The following GIMAP4 variants were observed in gnomAD, a reference collection of about 807,000 sequenced individuals.
The protein encoded by GIMAP4 is GTPase, IMAP family member 4.
In GIMAP4, 12 loss-of-function variants were observed where a neutral mutation model predicts 10.8. The observed-to-expected ratio is 1.11, with a 90% CI of 0.71 to 1.81. The LOEUF is 1.81. Among genes scored for constraint, GIMAP4 ranks in the 40% most tolerant of loss-of-function variants. GIMAP4 has a pLI of 0.00. For synonymous variants in GIMAP4, 149 were observed against 147.2 expected, an observed-to-expected ratio of 1.01 and a Z score of -0.09; for missense variants, 412 against 404.6, an observed-to-expected ratio of 1.02 and a Z score of -0.16.
intron 2 of GIMAP4, 58 bp downstream of exon 2, chr7:150,570,017 T>TGGGGGGGGGGGG: frequency 7.8e-6 from 2 of 256,596 alleles, no homozygotes; most frequent in East Asian, 7.4e-5. Context: ...CAGGTGGGGG[T>TGGGGGGGGGGGG]GGGGGATTTG....
intron 1 of GIMAP4, among the ~76,000 whole-genome samples, chr7:150,568,386 A>G (rs894430427): frequency 7.9e-5 from 12 of 152,198 alleles, no homozygotes; most frequent in African/African-American, 2.9e-4. Context: ...ACAGTGTTTC[A>G]TATTTGTTGG....
In GIMAP4 at chr7:150,572,528, TCA is replaced by T; in HGVS notation, c.460_461del (p.Thr154ProfsTer4). On this transcript the variant is annotated frameshift_variant, in exon 3 of 3. Transcript: ENST00000255945. LOFTEE classifies it high-confidence loss of function. ...GCTAGAAGTTTCATGATTCTCATAT[TCA>T]CCCGGAAAGATGACTTAGGTGACAC... 6.2e-7 allele frequency: 1 copy of T among 1,614,166 alleles called. No homozygotes were observed. The highest frequency in any genetic ancestry group is 1.1e-5 in the South Asian group (1 of 91,074).
chr7:150,570,720 T>G (rs972285853), intron 2 of GIMAP4, among the ~76,000 whole-genome samples: 1 of 152,044 alleles, frequency 6.6e-6, no homozygotes, highest in Non-Finnish European at 1.5e-5. Context: ...TAGCAAGCTC[T>G]CAGACAGCAA....
chr7:150,567,527 A>G (rs1454571251), intron 1 of GIMAP4, 90 bp downstream of exon 1: 2 of 152,058 alleles, frequency 1.3e-5, no homozygotes, highest in Admixed American at 1.3e-4. Flanking sequence ...TCTGGTAAAC[A>G]TGTTTTCAGA....
chr7:150,568,774 A>G (rs924258473), intron 1 of GIMAP4, among the ~76,000 whole-genome samples: 1 of 152,228 alleles, frequency 6.6e-6, no homozygotes, highest in African/African-American at 2.4e-5. Context: ...TTGTAGTATA[A>G]GAGGAGACAG....
Position 150,573,088 on chromosome 7 carries a change from T to A in GIMAP4, c.*28T>A. The stretch of plus-strand genomic sequence containing the variant: ...TTAATGAAAATCTGTTTGTATTTTC[T>A]GCATATTCTCTGGCAACCTTGCCCC... On this transcript the variant is annotated 3_prime_UTR_variant, in exon 3 of 3. Coordinates refer to ENST00000255945, the MANE Select transcript of GIMAP4 (RefSeq NM_018326.3). 6.9e-7 allele frequency: 1 copy of A among 1,451,034 alleles called. No homozygotes were observed. The highest frequency in any genetic ancestry group is 9.5e-7 in the Non-Finnish European group (1 of 1,047,716). 89.9% of individuals were successfully genotyped at this position (1,451,034 alleles called of 1,614,324 possible). A position where few individuals can be genotyped will look rare whatever the true frequency, so the allele number is the denominator to read the frequency against.
At chr7:150,567,874 G>A (rs1287323075) in intron 1 of GIMAP4, among the ~76,000 whole-genome samples, 5 of 152,146 alleles carry the variant, frequency 3.3e-5, no homozygotes, top group Non-Finnish European at 5.9e-5. Flanking sequence ...CTTGTTACAG[G>A]GTTAACTGTC....
At chr7:150,571,566 A>T (rs1795728789) in intron 2 of GIMAP4, among the ~76,000 whole-genome samples, 1 of 152,160 alleles carries the variant, frequency 6.6e-6, no homozygotes, top group South Asian at 2.1e-4. Flanking sequence ...GGATCATCTG[A>T]GGTCAGCAGT....
chr7:150,572,128 G>C lies in GIMAP4; in HGVS notation c.59-1G>C. 6.3e-7 allele frequency: 1 copy of C among 1,597,538 alleles called. No homozygotes were observed. Among genetic ancestry groups the C allele is most frequent in the Non-Finnish European group, 8.6e-7 (1 of 1,167,506 alleles). On this transcript the variant is annotated splice_acceptor_variant, in intron 2 of 2. Coordinates refer to ENST00000255945, the MANE Select transcript of GIMAP4 (RefSeq NM_018326.3). LOFTEE classifies it high-confidence loss of function. ...GCTTTTTTTTTTTCTTGATGTCCCAGGGCCTGGAAGGCAAGAGCCCAGAAA... is the reference window on the plus strand; with the variant it reads ...GCTTTTTTTTTTTCTTGATGTCCCACGGCCTGGAAGGCAAGAGCCCAGAAA...
In GIMAP4 at chr7:150,572,430, G is replaced by A. The variant is rs1164125669; in HGVS notation, c.360G>A (p.Val120=). Residue 120 remains valine (V), a synonymous_variant, in exon 3 of 3, where the codon GTG becomes GTA. Coordinates refer to ENST00000255945, the MANE Select transcript of GIMAP4 (RefSeq NM_018326.3). ...TSPGPHALLL[V]VPLGRYTEEE... ...CAGGGCCTCATGCTCTGCTTCTGGT[G>A]GTTCCACTGGGCCGTTACACTGAGG... 5.6e-6 allele frequency: 9 copies of A among 1,614,044 alleles called. No homozygotes were observed. The highest frequency in any genetic ancestry group is 7.6e-6 in the Non-Finnish European group (9 of 1,180,004).
At chr7:150,572,106 T>TC in intron 2 of GIMAP4, 23 bp from the exon 3 acceptor site, 1 of 1,450,362 alleles carries the variant, frequency 6.9e-7, no homozygotes, top group Non-Finnish European at 9.3e-7. Flanking sequence ...CAGCATGGCT[T>TC]TTTTTTTTTC....
chr7:150,568,196 A>G (rs566511119), intron 1 of GIMAP4, among the ~76,000 whole-genome samples: 7 of 152,212 alleles, frequency 4.6e-5, no homozygotes, highest in African/African-American at 1.4e-4. Context: ...TGTCACAAAA[A>G]CCCAGAATGT....
At chr7:150,570,231 G>A (rs747765709) in intron 2 of GIMAP4, among the ~76,000 whole-genome samples, 20 of 152,116 alleles carry the variant, frequency 1.3e-4, no homozygotes, top group African/African-American at 3.6e-4. Context: ...CCCAGGGCTC[G>A]GCACAGTTTC....
chr7:150,571,245 T>C (rs1795724920), intron 2 of GIMAP4, among the ~76,000 whole-genome samples: 1 of 152,186 alleles, frequency 6.6e-6, no homozygotes, highest in African/African-American at 2.4e-5. Context: ...ATCTTAGCCT[T>C]CCTGTATCCA....
Position 150,572,625 on chromosome 7 carries a change from C to T in GIMAP4, c.555C>T (p.Arg185=). Residue 185 remains arginine (R), a synonymous_variant, in exon 3 of 3, where the codon CGC becomes CGT. Coordinates refer to ENST00000255945, the MANE Select transcript of GIMAP4 (RefSeq NM_018326.3). ...ACTTGATGGACATTTTCGGTGACCGCTACTGTGCGTTAAACAACAAGGCAA... is the reference window on the plus strand; with the variant it reads ...ACTTGATGGACATTTTCGGTGACCGTTACTGTGCGTTAAACAACAAGGCAA... ...IQDLMDIFGD[R]YCALNNKATG... 1.2e-6 allele frequency: 2 copies of T among 1,614,196 alleles called. No individual in the cohort carries two copies. Among genetic ancestry groups the T allele is most frequent in the Non-Finnish European group, 1.7e-6 (2 of 1,180,012 alleles).
chr7:150,573,216 C>T lies in GIMAP4; in HGVS notation c.*156C>T. 1 of 580,552 alleles carries T rather than the reference C, an allele frequency of 1.7e-6. No homozygotes were observed. Among genetic ancestry groups the T allele is most frequent in the South Asian group, 2.3e-5 (1 of 44,096 alleles). 36.0% of individuals were successfully genotyped at this position (580,552 alleles called of 1,614,324 possible). On this transcript the variant is annotated 3_prime_UTR_variant, in exon 3 of 3. Transcript: ENST00000255945. ...ATTGGTAGATGTTTGATTGACTTAA[C>T]AAGAGAGGGACAAATTTTCAATTTG...
rs1450572705 is a variant in GIMAP4 at position 150,572,411 on chromosome 7, C to T, written c.341C>T (p.Pro114Leu). 2 of 1,614,068 alleles carry T rather than the reference C, an allele frequency of 1.2e-6. No individual in the cohort carries two copies. The highest frequency in any genetic ancestry group is 1.7e-6 in the Non-Finnish European group (2 of 1,180,024). ...IRCILLTSPGPHALLLVVPLG... is the reference protein window; with the variant it reads ...IRCILLTSPGLHALLLVVPLG... ...TGCATTCTTCTGACCTCCCCAGGGCCTCATGCTCTGCTTCTGGTGGTTCCA... is the reference window on the plus strand; with the variant it reads ...TGCATTCTTCTGACCTCCCCAGGGCTTCATGCTCTGCTTCTGGTGGTTCCA... Residue 114 changes from proline (P) to leucine (L), a missense_variant, in exon 3 of 3, where the codon CCT (proline) becomes CTT (leucine). Transcript: ENST00000255945.
intron 2 of GIMAP4, 77 bp from the exon 3 acceptor site, chr7:150,572,052 G>C (rs1268659265): frequency 1.6e-5 from 14 of 891,094 alleles, no homozygotes; most frequent in Middle Eastern, 2.3e-4. Context: ...GAGGGCACTG[G>C]GGGTGAGGAC....
At position 150,569,915 on chromosome 7, in the gene GIMAP4, A is replaced by T; in HGVS notation, c.14A>T (p.Tyr5Phe). Residue 5 changes from tyrosine (Y) to phenylalanine (F), a missense_variant, in exon 2 of 3, where the codon TAC (tyrosine) becomes TTC (phenylalanine). By Grantham distance (22) the Tyr-to-Phe change is conservative (BLOSUM62 3). Transcript: ENST00000255945. MAAQ[Y>F]GSMSFNPSTP... is the part of the protein sequence containing the mutation. ...GTTCAAGCGACAATGGCAGCCCAAT[A>T]CGGCAGTATGAGCTTCAACCCCAGC... 1 of 1,581,648 alleles carries T rather than the reference A, an allele frequency of 6.3e-7. No homozygotes were observed. The highest frequency in any genetic ancestry group is 8.7e-7 in the Non-Finnish European group (1 of 1,150,904).
Sources: allele counts gnomAD v4.1 joint callset (sites outside exome capture counted in the v4.1 genomes callset), GRCh38; gene constraint gnomAD v4.1.1; transcripts MANE v1.5; gene names NCBI Gene and HGNC (gene_info 2026-07-23, HGNC 2026-07-21).